Variants in CHST3 observed in about 807,000 individuals in gnomAD.
CHST3 encodes carbohydrate sulfotransferase 3.
CHST3 carries 20 observed loss-of-function variants against 35.4 expected under a neutral mutation model. The observed-to-expected ratio is 0.57, with a 90% CI of 0.40 to 0.82. The LOEUF is 0.82. CHST3 is among the 40% of genes least tolerant of loss of function. The pLI, the probability that CHST3 is intolerant of heterozygous loss-of-function variation, is 0.00. For missense variants in CHST3, 693 were observed against 670.1 expected (o/e 1.03, Z -0.38); for synonymous variants, 334 against 295.9 (o/e 1.13, Z -1.32).
chr10:71,996,452 G>A (rs1329867190), intron 1 of CHST3, among the ~76,000 whole-genome samples: 4 of 25,254 alleles, frequency 1.6e-4, no homozygotes, highest in African/African-American at 6.1e-4. Flanking sequence ...GTGTCTCTGC[G>A]TGTGTGTGTG....
At position 72,007,823 on chromosome 10, in the gene CHST3, C is replaced by T; in HGVS notation, c.792C>T (p.Cys264=). ...PLNVTLAAEA[C]RRKEHMALKA... is the part of the protein sequence containing the mutation. Reference sequence around the variant, plus strand: ...ACGTGACGCTGGCCGCAGAGGCCTGCCGCCGCAAGGAGCACATGGCCCTCA... The same window carrying T: ...ACGTGACGCTGGCCGCAGAGGCCTGTCGCCGCAAGGAGCACATGGCCCTCA... Residue 264 remains cysteine (C), a synonymous_variant, in exon 3 of 3, where the codon TGC becomes TGT. Coordinates refer to ENST00000373115, the MANE Select transcript of CHST3 (RefSeq NM_004273.5). The T allele has an allele frequency of 6.2e-7, 1 of 1,603,420 alleles. No homozygotes were observed. The highest frequency in any genetic ancestry group is 8.5e-7 in the Non-Finnish European group (1 of 1,179,408).
chr10:71,985,986 T>C (rs1839843826), intron 1 of CHST3, among the ~76,000 whole-genome samples: 1 of 152,242 alleles, frequency 6.6e-6, no homozygotes, highest in African/African-American at 2.4e-5. Flanking sequence ...GTGTAACCTT[T>C]TGTGATTGGC....
chr10:71,974,010 G>A (rs1839721216), intron 1 of CHST3, among the ~76,000 whole-genome samples: 1 of 152,174 alleles, frequency 6.6e-6, no homozygotes, highest in African/African-American at 2.4e-5. Flanking sequence ...GTGTGGCCGT[G>A]GCCAAGTTGC....
rs1017865111 is a variant in CHST3 at position 71,968,876 on chromosome 10, T to A, written c.-108+4182T>A. 3.3e-5 allele frequency among the ~76,000 whole-genome samples: 5 copies of A among 152,198 alleles called. No homozygotes were observed. The South Asian group carries it at 1.0e-3, about 32-fold the overall frequency. ...CATGACTCACTGCTTATCTGAGAAG[T>A]TGGGACAAAGCTGCCTCTTGTGACC... On this transcript the variant is annotated intron_variant, in intron 1 of 2. Transcript: ENST00000373115.
chr10:71,997,442 G>A (rs573442606), intron 1 of CHST3, among the ~76,000 whole-genome samples: 1 of 152,196 alleles, frequency 6.6e-6, no homozygotes, highest in South Asian at 2.1e-4. Flanking sequence ...CTCTGCCACT[G>A]CCTCGCTCAG....
At chr10:72,000,796 C>A (rs916604712) in intron 1 of CHST3, among the ~76,000 whole-genome samples, 5 of 151,908 alleles carry the variant, frequency 3.3e-5, no homozygotes, top group Admixed American at 2.6e-4. Flanking sequence ...TCAGGTGTTC[C>A]CCTGTCTGGG....
At position 72,007,289 on chromosome 10, in the gene CHST3, CT is replaced by C; in HGVS notation, c.260del (p.Phe87SerfsTer129). ...LLSLSELDSAFSQLQSRLRNL... is the reference protein window; with the variant it reads ...LLSLSELDSAXSQLQSRLRNL... The stretch of plus-strand genomic sequence containing the variant: ...TGTCCCTGAGCGAGCTCGATTCAGC[CT>C]TCTCCCAGCTTCAGAGCCGTCTCCG... On this transcript the variant is annotated frameshift_variant, in exon 3 of 3. Transcript: ENST00000373115. LOFTEE classifies it high-confidence loss of function. 3 of 1,613,904 alleles carry C rather than the reference CT, an allele frequency of 1.9e-6. No homozygotes were observed. The highest frequency in any genetic ancestry group is 2.5e-6 in the Non-Finnish European group (3 of 1,179,938).
chr10:71,977,588 T>A (rs999024266), intron 1 of CHST3, among the ~76,000 whole-genome samples: 1 of 152,056 alleles, frequency 6.6e-6, no homozygotes, highest in Non-Finnish European at 1.5e-5. Flanking sequence ...TAGGTGGGAC[T>A]ACAGGTGTGC....
At position 71,993,851 on chromosome 10, in the gene CHST3, A is replaced by G. The variant is rs61327601; in HGVS notation, c.-107-11885A>G. 6.8e-3 allele frequency among the ~76,000 whole-genome samples: 1,029 copies of G among 152,078 alleles called. 70 individuals are homozygous for G. The East Asian group carries it at 0.15, about 22-fold the overall frequency. On this transcript the variant is annotated intron_variant, in intron 1 of 2. Transcript: ENST00000373115. Reference sequence around the variant, plus strand: ...GCAGTGGCTCACATCTGTAATCCCAACACTTTGGGAGGCTGAGGTGGGTGG... The same window carrying G: ...GCAGTGGCTCACATCTGTAATCCCAGCACTTTGGGAGGCTGAGGTGGGTGG...
intron 1 of CHST3, among the ~76,000 whole-genome samples, chr10:72,005,295 G>GTGTGTC (rs938363524): frequency 2.0e-5 from 3 of 146,516 alleles, no homozygotes; most frequent in Admixed American, 6.6e-5. Context: ...GTGTGTGTGT[G>GTGTGTC]TGTGTCTGTG....
intron 1 of CHST3, among the ~76,000 whole-genome samples, chr10:72,001,303 C>T (rs557997709): frequency 5.3e-5 from 8 of 152,358 alleles, no homozygotes; most frequent in Admixed American, 4.6e-4. Flanking sequence ...GTCCCACTGC[C>T]TGCTGCCCTC....
At chr10:71,990,568 G>A (rs1404303530) in intron 1 of CHST3, among the ~76,000 whole-genome samples, 1 of 152,114 alleles carries the variant, frequency 6.6e-6, no homozygotes, top group Non-Finnish European at 1.5e-5. Context: ...TGTCCATATT[G>A]GTCAGGCTGG....
In CHST3 at chr10:72,007,559, G is replaced by T. The variant is rs373748456; in HGVS notation, c.528G>T (p.Pro176=). 4.4e-6 allele frequency: 7 copies of T among 1,606,194 alleles called. No individual in the cohort carries two copies. The highest frequency in any genetic ancestry group is 5.9e-6 in the Non-Finnish European group (7 of 1,179,540). ...WHIERTVSFE[P]GGANAAGSAL... ...TCGAGCGCACAGTGTCCTTCGAGCC[G>T]GGGGGCGCCAACGCCGCGGGCTCGG... The change falls in exon 3 of 3, where the codon CCG becomes CCT. Residue 176 remains proline, a synonymous_variant. Coordinates refer to ENST00000373115, the MANE Select transcript of CHST3 (RefSeq NM_004273.5).
At chr10:71,999,170 G>A (rs1839968576) in intron 1 of CHST3, among the ~76,000 whole-genome samples, 1 of 152,174 alleles carries the variant, frequency 6.6e-6, no homozygotes, top group African/African-American at 2.4e-5. Flanking sequence ...TGACATTGTG[G>A]GCTAAATGAT....
chr10:71,982,190 A>G (rs1262388048), intron 1 of CHST3, among the ~76,000 whole-genome samples: 1 of 152,228 alleles, frequency 6.6e-6, no homozygotes, highest in African/African-American at 2.4e-5. Context: ...AGCCCTAAAT[A>G]TAATCACAAG....
chr10:71,974,763 C>T (rs922997424), intron 1 of CHST3, among the ~76,000 whole-genome samples: 6 of 152,246 alleles, frequency 3.9e-5, no homozygotes, highest in East Asian at 1.9e-4. Context: ...CAAGGGGACC[C>T]GCACACCCCA....
intron 2 of CHST3, among the ~76,000 whole-genome samples, chr10:72,006,346 C>G (rs1294274764): frequency 6.6e-6 from 1 of 152,222 alleles, no homozygotes; most frequent in Non-Finnish European, 1.5e-5. Context: ...AAGCATTTAG[C>G]CCACTGCCTG....
At chr10:71,977,448 A>ATTTTT (rs10554998) in intron 1 of CHST3, among the ~76,000 whole-genome samples, 10 of 128,982 alleles carry the variant, frequency 7.8e-5, no homozygotes, top group African/African-American at 3.0e-4. Flanking sequence ...CCTAAGCTCG[A>ATTTTT]TTTTTTTTTT....
chr10:72,002,004 C>T (rs926857269), intron 1 of CHST3, among the ~76,000 whole-genome samples: 4 of 152,168 alleles, frequency 2.6e-5, no homozygotes, highest in Admixed American at 6.5e-5. Context: ...AACCCCCATC[C>T]GGGCTCTATC....
Sources: gnomAD v4.1 joint callset for allele counts (sites outside exome capture counted in the v4.1 genomes callset) on GRCh38, gnomAD v4.1.1 for gene constraint, MANE v1.5 for transcripts, NCBI Gene and HGNC (gene_info 2026-07-23, HGNC 2026-07-21) for gene names.